The following CEP112 variants were observed in gnomAD, a reference collection of about 807,000 sequenced individuals.
CEP112 encodes the protein centrosomal protein of 112 kDa.
A neutral mutation model predicts 153.0 loss-of-function variants in CEP112; 127 were observed. The observed-to-expected ratio is 0.83, with a 90% CI of 0.72 to 0.96. The LOEUF (loss-of-function observed/expected upper bound fraction) is 0.96, where lower values mean the gene tolerates loss of function less well. Among genes scored for constraint, CEP112 ranks in the 40% least tolerant of loss-of-function variants. The pLI is 0.00. For synonymous variants in CEP112, 358 were observed against 374.4 expected (o/e 0.96, Z 0.51); for missense variants, 1,089 against 1,101.2 (o/e 0.99, Z 0.16).
Position 66,115,629 on chromosome 17 carries a change from C to G in CEP112, c.642+14117G>C, listed in dbSNP as rs557550473. Among the ~76,000 whole-genome samples the G allele has an allele frequency of 5.8e-4, 89 of 152,332 alleles. 3 individuals carry two copies. The South Asian group carries it at 0.018, about 31-fold the overall frequency. On this transcript the variant is annotated intron_variant, in intron 6 of 26. Coordinates refer to ENST00000535342, the MANE Select transcript of CEP112 (RefSeq NM_001199165.4). Reference sequence around the variant, plus strand: ...ACCAGATCACCACATCCAGACAATGCAATGCTGGACCCCTCATTCACCATG... The same window carrying G: ...ACCAGATCACCACATCCAGACAATGGAATGCTGGACCCCTCATTCACCATG...
intron 5 of CEP112, among the ~76,000 whole-genome samples, chr17:66,131,131 T>A (rs930041866): frequency 6.6e-6 from 1 of 152,292 alleles, no homozygotes; most frequent in Admixed American, 6.5e-5. Flanking sequence ...ATGAAGTAAT[T>A]TTTTTAAATG....
chr17:66,013,549 G>A (rs557894914), intron 16 of CEP112, among the ~76,000 whole-genome samples: 8 of 151,994 alleles, frequency 5.3e-5, no homozygotes, highest in Non-Finnish European at 1.0e-4. Context: ...TAAGGGGCTG[G>A]TATCGGGTCA....
intron 24 of CEP112, among the ~76,000 whole-genome samples, chr17:65,654,123 A>G (rs2143682058): frequency 6.6e-6 from 1 of 151,934 alleles, no homozygotes. Context: ...TGATGCCAAA[A>G]AAATGCTGTA....
chr17:65,887,289 T>C (rs941060701), intron 20 of CEP112, among the ~76,000 whole-genome samples: 2 of 152,138 alleles, frequency 1.3e-5, no homozygotes, highest in African/African-American at 4.8e-5. Context: ...AAGTGCCTCC[T>C]CCCAGAAAGC....
chr17:66,169,547 G>A (rs532210942), intron 4 of CEP112, among the ~76,000 whole-genome samples: 4 of 151,992 alleles, frequency 2.6e-5, no homozygotes, highest in Non-Finnish European at 5.9e-5. Context: ...GCCTCCCAAA[G>A]AGCTGGGATT....
chr17:66,069,872 T>C, intron 9 of CEP112, 43 bp downstream of exon 9: 1 of 1,093,436 alleles, frequency 9.1e-7, no homozygotes, highest in South Asian at 1.4e-5. Context: ...CCTAGAATAT[T>C]TTTAGTGTTC....
intron 4 of CEP112, among the ~76,000 whole-genome samples, chr17:66,137,151 T>C (rs2070470152): frequency 6.6e-6 from 1 of 151,992 alleles, no homozygotes; most frequent in African/African-American, 2.4e-5. Context: ...AAACAAAATA[T>C]TTTTAAAAAG....
At chr17:65,865,521 C>T (rs987541836) in intron 20 of CEP112, among the ~76,000 whole-genome samples, 21 of 152,240 alleles carry the variant, frequency 1.4e-4, no homozygotes, top group African/African-American at 5.1e-4. Context: ...ACCTAGTGCA[C>T]CACCCACACC....
intron 17 of CEP112, among the ~76,000 whole-genome samples, chr17:65,975,503 T>A (rs2063001183): frequency 1.3e-5 from 2 of 152,184 alleles, no homozygotes; most frequent in Admixed American, 6.6e-5. Flanking sequence ...TATTCATTTG[T>A]TTCCTAATTC....
chr17:66,169,565 T>C (rs983638383), intron 4 of CEP112, among the ~76,000 whole-genome samples: 3 of 152,136 alleles, frequency 2.0e-5, no homozygotes, highest in Non-Finnish European at 2.9e-5. Context: ...ATTACAGGCA[T>C]AAGCCACCGC....
chr17:66,030,061 C>T, intron 12 of CEP112, 38 bp from the exon 13 acceptor site: 1 of 1,575,500 alleles, frequency 6.3e-7, no homozygotes, highest in Non-Finnish European at 8.7e-7. Flanking sequence ...GTCTCTGACT[C>T]AGTTGTAACA....
intron 24 of CEP112, among the ~76,000 whole-genome samples, chr17:65,649,034 G>C (rs1302552512): frequency 1.3e-5 from 2 of 151,762 alleles, no homozygotes; most frequent in Non-Finnish European, 2.9e-5. Context: ...CTGGGCAACA[G>C]AGTGAGAGTC....
rs192035389 is a variant in CEP112 at position 65,964,457 on chromosome 17, T to C, written c.1737-2859A>G. ...AGAACAGGAGGCTTTAAGTTGTATG[T>C]AGGATTTCCCTGCTACAAACATTGA... On this transcript the variant is annotated intron_variant, in intron 17 of 26. Coordinates refer to ENST00000535342, the MANE Select transcript of CEP112 (RefSeq NM_001199165.4). Among the ~76,000 whole-genome samples the C allele has an allele frequency of 2.6e-5, 4 of 152,354 alleles. No homozygotes were observed. In the East Asian group the frequency reaches 7.7e-4, roughly 29 times the overall value.
chr17:66,074,179 G>A lies in CEP112; in HGVS notation c.769-4178C>T, dbSNP rs151119389. Among the ~76,000 whole-genome samples, 939 of 152,088 alleles carry A rather than the reference G, an allele frequency of 6.2e-3. 8 individuals carry two copies. The highest frequency in any genetic ancestry group is 0.022 in the African/African-American group (898 of 41,508). ...GGAAACAAATGAAAATTCCAGAATC[G>A]AAAAGTGCAATAATTCAAAGGAACA... On this transcript the variant is annotated intron_variant, in intron 8 of 26. Coordinates refer to ENST00000535342, the MANE Select transcript of CEP112 (RefSeq NM_001199165.4).
At chr17:66,067,664 A>G (rs995037200) in intron 9 of CEP112, among the ~76,000 whole-genome samples, 1 of 152,216 alleles carries the variant, frequency 6.6e-6, no homozygotes, top group African/African-American at 2.4e-5. Flanking sequence ...GCATTAAGAA[A>G]ATTATTAAAT....
intron 12 of CEP112, among the ~76,000 whole-genome samples, chr17:66,040,534 T>C (rs764108460): frequency 1.7e-4 from 25 of 150,482 alleles, no homozygotes; most frequent in Non-Finnish European, 2.8e-4. Context: ...CTGTGCTCTG[T>C]TGCCCAGGCT....
intron 18 of CEP112, among the ~76,000 whole-genome samples, chr17:65,946,632 T>G (rs763293109): frequency 6.6e-6 from 1 of 152,228 alleles, no homozygotes; most frequent in Non-Finnish European, 1.5e-5. Flanking sequence ...CAAGATTGCC[T>G]TCACTTTGCA....
At chr17:66,046,149 C>T (rs1013286417) in intron 12 of CEP112, among the ~76,000 whole-genome samples, 3 of 151,864 alleles carry the variant, frequency 2.0e-5, no homozygotes, top group Admixed American at 2.0e-4. Context: ...TTCACGCCAT[C>T]CTCCTGCCTC....
intron 21 of CEP112, among the ~76,000 whole-genome samples, chr17:65,800,965 G>A (rs1409163056): frequency 6.6e-6 from 1 of 152,088 alleles, no homozygotes; most frequent in Middle Eastern, 3.2e-3. Context: ...GTTGTATTAT[G>A]TCTTTTTGTT....
Sources: gnomAD v4.1 joint callset for allele counts (sites outside exome capture counted in the v4.1 genomes callset) on GRCh38, gnomAD v4.1.1 for gene constraint, MANE v1.5 for transcripts, NCBI Gene and HGNC (gene_info 2026-07-23, HGNC 2026-07-21) for gene names.